The following SMC6 variants were observed in gnomAD, a reference collection of about 807,000 sequenced individuals.
The protein encoded by SMC6 is structural maintenance of chromosomes protein 6.
In SMC6, 79 loss-of-function variants were observed where a neutral mutation model predicts 142.2. That is an observed-to-expected ratio of 0.56 (90% CI 0.46 to 0.67). The LOEUF is 0.67. SMC6 is among the 30% of genes least tolerant of loss of function. SMC6 has a pLI of 0.00. For synonymous variants in SMC6, 411 were observed against 412.4 expected (o/e 1.00, Z 0.04); for missense variants, 1,072 against 1,284.0 (o/e 0.83, Z 2.52).
At chr2:17,752,131 G>A (rs187846287) in intron 2 of SMC6, among the ~76,000 whole-genome samples, 4 of 152,212 alleles carry the variant, frequency 2.6e-5, no homozygotes, top group Non-Finnish European at 5.9e-5. Flanking sequence ...CTGTCAGCTA[G>A]GTACAGTCAA....
intron 24 of SMC6, 72 bp downstream of exon 24, chr2:17,683,566 T>G (rs1572260675): frequency 1.5e-6 from 2 of 1,328,724 alleles, no homozygotes; most frequent in East Asian, 4.8e-5. Context: ...TATAACAGAA[T>G]TATATAAATA....
intron 5 of SMC6, among the ~76,000 whole-genome samples, chr2:17,736,242 CTG>C (rs1670146479): frequency 6.6e-6 from 1 of 152,166 alleles, no homozygotes; most frequent in Non-Finnish European, 1.5e-5. Context: ...CTGTCACTAA[CTG>C]TGTTTTAAAA....
chr2:17,713,642 G>A lies in SMC6; in HGVS notation c.1730+1219C>T, dbSNP rs1360198470. On this transcript the variant is annotated intron_variant, in intron 16 of 27. Transcript: ENST00000448223. ...CACAACTGATGGCATCCTTCAGCTA[G>A]TCACTCTAACCAGAAACCTAGGAGT... The A allele has an allele frequency of 1.5e-5, 6 of 407,774 alleles. No homozygotes were observed. In the East Asian group the frequency reaches 4.8e-4, roughly 33 times the overall value. The allele number at this position is 407,774 out of a possible 1,614,324, so 25.3% of individuals were successfully genotyped here.
chr2:17,725,423 G>A (rs1348655709), intron 8 of SMC6, 65 bp from the exon 9 acceptor site: 2 of 1,113,162 alleles, frequency 1.8e-6, no homozygotes, highest in Non-Finnish European at 2.5e-6. Context: ...CTGTTAAAAA[G>A]AAAAAGAAAA....
At chr2:17,720,144 T>A (rs774171584) in intron 11 of SMC6, among the ~76,000 whole-genome samples, 1 of 152,166 alleles carries the variant, frequency 6.6e-6, no homozygotes, top group Non-Finnish European at 1.5e-5. Context: ...ACCCAGTGAA[T>A]TATACACTTT....
intron 20 of SMC6, 97 bp from the exon 21 acceptor site, chr2:17,700,475 G>A (rs1668215228): frequency 8.8e-6 from 8 of 912,572 alleles, no homozygotes; most frequent in Non-Finnish European, 1.3e-5. Flanking sequence ...AGAAACTATA[G>A]GCTATATGCA....
chr2:17,701,419 GA>G (rs200168578), intron 20 of SMC6, among the ~76,000 whole-genome samples: 2 of 151,176 alleles, frequency 1.3e-5, no homozygotes, highest in Admixed American at 6.6e-5. Flanking sequence ...TTGAAAAAAA[GA>G]AAAAAAACAA....
intron 11 of SMC6, among the ~76,000 whole-genome samples, chr2:17,720,173 G>A (rs1012906195): frequency 4.6e-5 from 7 of 152,138 alleles, no homozygotes; most frequent in Non-Finnish European, 8.8e-5. Context: ...GAATTATGTG[G>A]TATATGAATG....
chr2:17,729,758 T>C (rs1449227885), intron 7 of SMC6, among the ~76,000 whole-genome samples: 1 of 152,240 alleles, frequency 6.6e-6, no homozygotes, highest in East Asian at 1.9e-4. Context: ...CCTAAACTTG[T>C]ACTGTCTGAT....
At chr2:17,697,658 A>G (rs1293083703) in intron 21 of SMC6, among the ~76,000 whole-genome samples, 1 of 152,124 alleles carries the variant, frequency 6.6e-6, no homozygotes, top group African/African-American at 2.4e-5. Context: ...ACCACTTCTC[A>G]CTCACTAGCA....
intron 7 of SMC6, among the ~76,000 whole-genome samples, chr2:17,729,555 C>G (rs1669806902): frequency 6.6e-6 from 1 of 152,112 alleles, no homozygotes; most frequent in Non-Finnish European, 1.5e-5. Flanking sequence ...CACAAGAAAA[C>G]CTGGTGGAGA....
chr2:17,721,207 T>C lies in SMC6; in HGVS notation c.781A>G (p.Ile261Val), dbSNP rs754947981. The C allele has an allele frequency of 1.9e-6, 3 of 1,611,726 alleles. No individual in the cohort carries two copies. Among genetic ancestry groups the C allele is most frequent in the Non-Finnish European group, 2.5e-6 (3 of 1,179,378 alleles). Residue 261 changes from isoleucine to valine, a missense_variant, in exon 10 of 28, where the codon ATT becomes GTT. Coordinates refer to ENST00000448223, the MANE Select transcript of SMC6 (RefSeq NM_001142286.2). Reference protein sequence around the residue: ...CVEKEERFQSIAGLSTMKTNL... With the variant: ...CVEKEERFQSVAGLSTMKTNL... ...GTCTTCATTGTACTTAAACCAGCAA[T>C]ACTTTGAAAACGTTCCTCTTTCTCT...
At chr2:17,691,403 T>C (rs1054639514) in intron 23 of SMC6, among the ~76,000 whole-genome samples, 1 of 150,842 alleles carries the variant, frequency 6.6e-6, no homozygotes, top group South Asian at 2.1e-4. Flanking sequence ...TTAATGGACA[T>C]GTGGGTTGAT....
chr2:17,709,249 T>C (rs1668697667), intron 16 of SMC6, among the ~76,000 whole-genome samples: 1 of 152,144 alleles, frequency 6.6e-6, no homozygotes, highest in African/African-American at 2.4e-5. Flanking sequence ...CATACATAAG[T>C]CAATTATTTA....
intron 15 of SMC6, 84 bp from the exon 16 acceptor site, chr2:17,715,149 A>C: frequency 7.9e-7 from 1 of 1,267,362 alleles, no homozygotes; most frequent in Non-Finnish European, 1.1e-6. Context: ...ATAGCATATA[A>C]ATGACTTATA....
intron 6 of SMC6, among the ~76,000 whole-genome samples, 196 bp from the exon 7 acceptor site, chr2:17,731,335 T>C (rs1167238532): frequency 6.6e-6 from 1 of 152,230 alleles, no homozygotes. Context: ...GCAATAATGG[T>C]GCTTATCTTG....
intron 23 of SMC6, among the ~76,000 whole-genome samples, chr2:17,683,978 C>T (rs1667339705): frequency 6.6e-6 from 1 of 152,138 alleles, no homozygotes; most frequent in African/African-American, 2.4e-5. Flanking sequence ...AGGGAAGGAA[C>T]AAGGTCCAAG....
chr2:17,716,020 A>C (rs1669067441), intron 15 of SMC6, 66 bp downstream of exon 15: 1 of 1,257,372 alleles, frequency 8.0e-7, no homozygotes, highest in African/African-American at 1.6e-5. Flanking sequence ...AACTTCATTC[A>C]ATCGTTCTGA....
At chr2:17,670,679 A>G in intron 25 of SMC6, 104 bp from the exon 26 acceptor site, 1 of 1,165,506 alleles carries the variant, frequency 8.6e-7, no homozygotes, top group Non-Finnish European at 1.2e-6. Context: ...TAAAAAGGAG[A>G]TGGGAATAAA....
Sources: allele counts gnomAD v4.1 joint callset (sites outside exome capture counted in the v4.1 genomes callset), GRCh38; gene constraint gnomAD v4.1.1; transcripts MANE v1.5; gene names NCBI Gene and HGNC (gene_info 2026-07-23, HGNC 2026-07-21).